Variants in LOC128125822 observed in about 807,000 individuals in gnomAD.
At chr6:63,578,451 T>C in the LOC128125822 span, 17 of 1,607,832 alleles carry the variant, frequency 1.1e-5, no homozygotes, top group Non-Finnish European at 1.4e-5. Context: ...TTAAGAAGTA[T>C]GGAGTTACCA....
chr6:63,580,064 C>T, the LOC128125822 span: 1 of 1,599,792 alleles, frequency 6.3e-7, no homozygotes, highest in South Asian at 1.1e-5. Flanking sequence ...CAGAAAGCGG[C>T]GTGGAGCTTT....
At chr6:63,573,710 T>C in the LOC128125822 span, 1 of 152,222 alleles carries the variant, frequency 6.6e-6, no homozygotes, top group African/African-American at 2.4e-5. Flanking sequence ...CTCGTGATAA[T>C]GGGAACAAGT....
the LOC128125822 span, among the ~76,000 whole-genome samples, chr6:63,574,704 G>T: frequency 4.6e-5 from 7 of 152,132 alleles, no homozygotes; most frequent in African/African-American, 1.7e-4. Flanking sequence ...GTAATACCTA[G>T]AAATTAGAAT....
At chr6:63,577,321 C>G in the LOC128125822 span, among the ~76,000 whole-genome samples, 2 of 152,132 alleles carry the variant, frequency 1.3e-5, no homozygotes, top group South Asian at 4.1e-4. Context: ...ATGACTAATG[C>G]CATAAACCAG....
At chr6:63,580,278 T>G in the LOC128125822 span, 1 of 947,106 alleles carries the variant, frequency 1.1e-6, no homozygotes, top group Non-Finnish European at 1.6e-6. Context: ...GAAGCTTCCA[T>G]AGGAGTATTG....
the LOC128125822 span, among the ~76,000 whole-genome samples, chr6:63,574,312 T>C: frequency 2.0e-5 from 3 of 152,332 alleles, no homozygotes. Flanking sequence ...GATTACTCTT[T>C]CCTCCTCTCC....
chr6:63,581,561 A>G, the LOC128125822 span: 1 of 152,234 alleles, frequency 6.6e-6, no homozygotes, highest in Admixed American at 6.5e-5. Context: ...GAAGGATTAT[A>G]AATGATGTCA....
chr6:63,572,821 G>T, the LOC128125822 span: 1 of 396,128 alleles, frequency 2.5e-6, no homozygotes, highest in Non-Finnish European at 4.5e-6. Context: ...CCTCCAGGTT[G>T]CCCCGGGTTG....
the LOC128125822 span, chr6:63,582,495 T>C: frequency 6.6e-6 from 1 of 152,654 alleles, no homozygotes; most frequent in African/African-American, 2.4e-5. Context: ...TAAATATGGC[T>C]AATTATAGGA....
the LOC128125822 span, chr6:63,576,791 G>A: frequency 2.0e-6 from 2 of 1,015,068 alleles, no homozygotes; most frequent in Non-Finnish European, 3.0e-6. Context: ...GGAGTATATT[G>A]AAGTAGACTT....
chr6:63,572,932 G>C, the LOC128125822 span, among the ~76,000 whole-genome samples: 3 of 152,172 alleles, frequency 2.0e-5, no homozygotes, highest in African/African-American at 7.2e-5. Context: ...CCTCGGGGCT[G>C]CGGGGTGGCG....
the LOC128125822 span, chr6:63,576,579 G>T: frequency 2.2e-6 from 1 of 455,804 alleles, no homozygotes; most frequent in South Asian, 5.2e-5. Context: ...CATAAGAGTG[G>T]TTATCCTGGA....
chr6:63,581,075 T>C, the LOC128125822 span: 3 of 152,164 alleles, frequency 2.0e-5, no homozygotes, highest in Non-Finnish European at 4.4e-5. Flanking sequence ...CTTCCTGAAA[T>C]TCTTGTAATT....
At chr6:63,572,584 T>C in the LOC128125822 span, 1 of 415,922 alleles carries the variant, frequency 2.4e-6, no homozygotes, top group Admixed American at 4.4e-5. Flanking sequence ...CGCCGCCGCC[T>C]GCATCGCCGC....
chr6:63,580,668 C>A, the LOC128125822 span: 2 of 152,922 alleles, frequency 1.3e-5, no homozygotes, highest in Admixed American at 6.5e-5. Flanking sequence ...TTTGCCTGCT[C>A]ACTTTATGTT....
At chr6:63,580,426 C>T in the LOC128125822 span, 1 of 400,240 alleles carries the variant, frequency 2.5e-6, no homozygotes, top group Non-Finnish European at 4.6e-6. Context: ...TATCAATTGA[C>T]CTTTCCCCAA....
chr6:63,582,220 G>C, the LOC128125822 span: 1 of 150,244 alleles, frequency 6.7e-6, no homozygotes, highest in East Asian at 2.0e-4. Flanking sequence ...ATGCAGCCTA[G>C]TCTTGAGAAC....
the LOC128125822 span, chr6:63,579,469 T>TA: frequency 3.4e-6 from 2 of 583,424 alleles, no homozygotes; most frequent in African/African-American, 2.0e-5. Context: ...ATCAAGATCT[T>TA]ACATTCTTTT....
chr6:63,576,837 T>A, the LOC128125822 span: 243 of 1,493,342 alleles, frequency 1.6e-4, 1 homozygote, highest in Middle Eastern at 7.2e-4. Context: ...TCAATTTTTT[T>A]AATTATTTCA....
Sources: allele counts gnomAD v4.1 joint callset (sites outside exome capture counted in the v4.1 genomes callset), GRCh38; gene constraint gnomAD v4.1.1; transcripts MANE v1.5.